Variants in MID2 observed in about 807,000 individuals in gnomAD.
MID2 encodes the protein probable E3 ubiquitin-protein ligase MID2.
Under a neutral mutation model 46.1 loss-of-function variants are expected in MID2, and 13 were observed. The observed-to-expected ratio is 0.28, with a 90% CI of 0.18 to 0.45. MID2 has a LOEUF of 0.45. MID2 is among the 20% of genes least tolerant of loss of function. MID2 has a pLI of 1.00. For missense variants in MID2, 431 were observed against 575.4 expected, an observed-to-expected ratio of 0.75 and a Z score of 2.57; for synonymous variants, 199 against 212.3, an observed-to-expected ratio of 0.94 and a Z score of 0.55.
chrX:107,920,027 G>A (rs974128629), intron 7 of MID2, among the ~76,000 whole-genome samples: 1 of 111,814 alleles, frequency 8.9e-6, no homozygotes, highest in Non-Finnish European at 1.9e-5. Flanking sequence ...TCTTCCTCTA[G>A]TTATTGATAG....
intron 3 of MID2, among the ~76,000 whole-genome samples, chrX:107,873,543 A>G (rs961430586): frequency 4.5e-5 from 5 of 111,905 alleles, no homozygotes; most frequent in Non-Finnish European, 9.4e-5. Context: ...CTGTCCTCCA[A>G]TTGTAGCCAT....
rs1930940608 is a variant in MID2, at chrX:107,826,290, G to A, written c.-137G>A. 7 of 677,893 alleles carry A rather than the reference G, an allele frequency of 1.0e-5. No individual in the cohort carries two copies. The highest frequency in any genetic ancestry group is 1.4e-5 in the Non-Finnish European group (7 of 509,306). 55.9% of individuals were successfully genotyped at this position (677,893 alleles called of 1,213,427 possible). The stretch of plus-strand genomic sequence containing the variant: ...GCAGCGGCGGCGAAGGCGGGCGGCG[G>A]CCTACAGTGGTAGCGGCGGCGGCGG... On this transcript the variant is annotated 5_prime_UTR_variant, in exon 1 of 10. Transcript: ENST00000262843.
intron 3 of MID2, among the ~76,000 whole-genome samples, chrX:107,867,375 A>G (rs1191674945): frequency 9.7e-6 from 1 of 103,003 alleles, no homozygotes; most frequent in African/African-American, 3.6e-5. Context: ...GTTGGCCAGG[A>G]TGGTCTCGAT....
At chrX:107,895,167 T>C (rs1023348423) in intron 3 of MID2, 12 of 107,652 alleles carry the variant, frequency 1.1e-4, no homozygotes, top group African/African-American at 3.7e-4. Context: ...GAGCAAACTA[T>C]AGACCTCATT....
At chrX:107,828,426 C>T (rs1412801224) in intron 1 of MID2, among the ~76,000 whole-genome samples, 5 of 107,374 alleles carry the variant, frequency 4.7e-5, no homozygotes, top group Non-Finnish European at 9.6e-5. Context: ...ATCCTTCTCC[C>T]TCAGCATCTC....
At chrX:107,838,375 G>A (rs1468717613) in intron 1 of MID2, among the ~76,000 whole-genome samples, 1 of 112,044 alleles carries the variant, frequency 8.9e-6, no homozygotes, top group Non-Finnish European at 1.9e-5. Context: ...CATTTTAATT[G>A]TTTACTTTTT....
In MID2 at chrX:107,916,145, G is replaced by A. The variant is rs187564232; in HGVS notation, c.1201+16G>A. On this transcript the variant is annotated intron_variant, in intron 6 of 9. Coordinates refer to ENST00000262843, the MANE Select transcript of MID2 (RefSeq NM_012216.4). ...TATTTAACAGGTGTGAAAATACTGT[G>A]CTTTCCTTTCCATTTAATTTTTTTT... The A allele has an allele frequency of 5.5e-4, 605 of 1,104,151 alleles. 1 individual carries two copies. The African/African-American group carries it at 0.01, about 19-fold the overall frequency. The allele number at this position is 1,104,151 out of a possible 1,213,427, so 91.0% of individuals were successfully genotyped here.
At chrX:107,840,328 C>G (rs973985956) in intron 1 of MID2, among the ~76,000 whole-genome samples, 6 of 111,838 alleles carry the variant, frequency 5.4e-5, no homozygotes, top group Admixed American at 4.7e-4. Flanking sequence ...AGGGTCTCAG[C>G]CTTATCTTAG....
chrX:107,904,102 T>G, intron 4 of MID2, 37 bp downstream of exon 4: 1 of 941,839 alleles, frequency 1.1e-6, no homozygotes, highest in Non-Finnish European at 1.5e-6. Flanking sequence ...AAGGAAGGGT[T>G]GACTTTACAA....
intron 2 of MID2, 150 bp downstream of exon 2, chrX:107,841,535 T>G: frequency 3.4e-5 from 15 of 447,411 alleles, no homozygotes; most frequent in East Asian, 7.6e-5. Context: ...CTGCAAGCTC[T>G]TCCTGGAGCC....
chrX:107,847,566 G>C (rs1477731123), intron 2 of MID2, among the ~76,000 whole-genome samples: 1 of 111,813 alleles, frequency 8.9e-6, no homozygotes, highest in African/African-American at 3.3e-5. Flanking sequence ...GAAGGATGGT[G>C]GTATTGAGGA....
intron 3 of MID2, among the ~76,000 whole-genome samples, chrX:107,863,706 C>T (rs1019637934): frequency 2.4e-4 from 27 of 112,535 alleles, no homozygotes; most frequent in African/African-American, 8.1e-4. Flanking sequence ...TCTAATCTCT[C>T]CTGCCATCAA....
chrX:107,893,138 T>C (rs182056391), intron 3 of MID2, among the ~76,000 whole-genome samples: 1 of 112,850 alleles, frequency 8.9e-6, no homozygotes, highest in African/African-American at 3.2e-5. Context: ...CTATAATCTT[T>C]CATGTTCTTA....
At chrX:107,904,280 G>A (rs1189823114) in intron 4 of MID2, among the ~76,000 whole-genome samples, 1 of 111,741 alleles carries the variant, frequency 8.9e-6, no homozygotes, top group Non-Finnish European at 1.9e-5. Flanking sequence ...CCTGGTTTAC[G>A]TGGGTGTATG....
At position 107,905,466 on chromosome X, in the gene MID2, A is replaced by G; in HGVS notation, c.925-12A>G. 3 of 1,177,669 alleles carry G rather than the reference A, an allele frequency of 2.5e-6. No homozygotes were observed. The highest frequency in any genetic ancestry group is 3.4e-6 in the Non-Finnish European group (3 of 877,627). On this transcript the variant is annotated splice_polypyrimidine_tract_variant and intron_variant, in intron 4 of 9. Coordinates refer to ENST00000262843, the MANE Select transcript of MID2 (RefSeq NM_012216.4). ...TTTTATCTTATTTTTTTCTTTTACT[A>G]ATTCCTTAAAGGTTATGAAACTGAG...
In MID2 at chrX:107,841,217, A is replaced by G. The variant is rs1235282898; in HGVS notation, c.552A>G (p.Pro184=). The change falls in exon 2 of 10, where the codon CCA becomes CCG. Residue 184 remains proline, a synonymous_variant. Coordinates refer to ENST00000262843, the MANE Select transcript of MID2 (RefSeq NM_012216.4). ...KPFTSHRLVE[P]VPDTHLRGIT... ...TCACCAGCCACCGCCTGGTGGAACC[A>G]GTGCCAGACACACATCTTCGAGGGA... is the stretch of plus-strand genomic sequence containing the variant. 8.3e-7 allele frequency: 1 copy of G among 1,211,844 alleles called. No homozygotes were observed. Among genetic ancestry groups the G allele is most frequent in the Non-Finnish European group, 1.1e-6 (1 of 895,487 alleles).
intron 2 of MID2, among the ~76,000 whole-genome samples, chrX:107,847,580 C>A (rs1420819233): frequency 9.0e-6 from 1 of 111,657 alleles, no homozygotes; most frequent in Admixed American, 9.5e-5. Flanking sequence ...TTGAGGAGGA[C>A]AAAAATGAAA....
At chrX:107,857,883 G>A (rs890462429) in intron 3 of MID2, among the ~76,000 whole-genome samples, 1 of 111,823 alleles carries the variant, frequency 8.9e-6, no homozygotes, top group Admixed American at 9.5e-5. Context: ...CACATTCGGC[G>A]GGGGCGGAGG....
intron 7 of MID2, among the ~76,000 whole-genome samples, chrX:107,922,355 C>A (rs1933088321): frequency 8.9e-6 from 1 of 112,278 alleles, no homozygotes; most frequent in South Asian, 3.7e-4. Flanking sequence ...TTTCCTCCCA[C>A]CCCCACTACA....
Sources: allele counts gnomAD v4.1 joint callset (sites outside exome capture counted in the v4.1 genomes callset), GRCh38; gene constraint gnomAD v4.1.1; transcripts MANE v1.5; gene names NCBI Gene and HGNC (gene_info 2026-07-23, HGNC 2026-07-21).